CBLB: variants seen among roughly 807,000 people sequenced by gnomAD.
CBLB encodes Cbl proto-oncogene B.
A neutral mutation model predicts 104.9 loss-of-function variants in CBLB; 31 were observed. That is an observed-to-expected ratio of 0.30 (90% confidence interval 0.22 to 0.40). The LOEUF (loss-of-function observed/expected upper bound fraction) is 0.40, where lower values mean the gene tolerates loss of function less well. CBLB is among the 10% of genes least tolerant of loss of function. The pLI, the probability that CBLB is intolerant of heterozygous loss-of-function variation, is 1.00. For synonymous variants in CBLB, 440 were observed against 422.6 expected (o/e 1.04, Z -0.51); for missense variants, 1,062 against 1,214.6 (o/e 0.87, Z 1.87).
In CBLB at chr3:105,860,532, C is replaced by T. The variant is rs376666721; in HGVS notation, c.169-6868G>A. On this transcript the variant is annotated intron_variant, in intron 2 of 18. Coordinates refer to ENST00000394030, the MANE Select transcript of CBLB (RefSeq NM_170662.5). ...CCCTAACATTTACTAGCTTTACAAC[C>T]TTGGGCAGGGTTCTTCTTCGGGAAA... is the stretch of plus-strand genomic sequence containing the variant. Among the ~76,000 whole-genome samples, 10 of 152,276 alleles carry T rather than the reference C, an allele frequency of 6.6e-5. No homozygotes were observed. The East Asian group carries it at 1.9e-3, about 29-fold the overall frequency.
At chr3:105,724,905 T>C (rs1241410179) in intron 9 of CBLB, among the ~76,000 whole-genome samples, 3 of 152,134 alleles carry the variant, frequency 2.0e-5, no homozygotes, top group African/African-American at 7.2e-5. Context: ...GAAGGTCACA[T>C]AGCAAAAAAT....
At chr3:105,764,046 C>T (rs145208730) in intron 4 of CBLB, among the ~76,000 whole-genome samples, 1 of 152,166 alleles carries the variant, frequency 6.6e-6, no homozygotes, top group African/African-American at 2.4e-5. Context: ...AATGCATATC[C>T]TTTGACCCAG....
intron 18 of CBLB, among the ~76,000 whole-genome samples, chr3:105,668,798 C>T (rs889860389): frequency 2.0e-4 from 31 of 152,074 alleles, no homozygotes; most frequent in East Asian, 1.2e-3. Flanking sequence ...GCATCGAGCA[C>T]GTAAGAACTA....
At chr3:105,718,060 T>C (rs1337397747) in intron 10 of CBLB, among the ~76,000 whole-genome samples, 1 of 152,146 alleles carries the variant, frequency 6.6e-6, no homozygotes, top group African/African-American at 2.4e-5. Flanking sequence ...GGTGCTTTAT[T>C]CCACGTCTTC....
At chr3:105,822,720 C>T (rs1005118430) in intron 3 of CBLB, among the ~76,000 whole-genome samples, 1 of 152,110 alleles carries the variant, frequency 6.6e-6, no homozygotes, top group African/African-American at 2.4e-5. Context: ...CTTGTGTTTT[C>T]TTTTAAAAGC....
In CBLB at chr3:105,754,523, C is replaced by CAGAGAG. The variant is rs1207514486; in HGVS notation, c.567-2911_567-2906dup. Reference sequence around the variant, plus strand: ...AGAGAGAGAGAGAGAGAGAGAGAGACAGAGAGAGAGAGAGAGAGAGAGAGA... The same window carrying CAGAGAG: ...AGAGAGAGAGAGAGAGAGAGAGAGACAGAGAGAGAGAGAGAGAGAGAGAGAGAGAGA... On this transcript the variant is annotated intron_variant, in intron 4 of 18. Coordinates refer to ENST00000394030, the MANE Select transcript of CBLB (RefSeq NM_170662.5). 4.3e-3 allele frequency among the ~76,000 whole-genome samples: 443 copies of CAGAGAG among 102,792 alleles called. 6 individuals carry two copies. The highest frequency in any genetic ancestry group is 8.1e-3 in the African/African-American group (211 of 26,108). The allele number at this position is 102,792 out of a possible 152,430, so 67.4% of individuals were successfully genotyped here. A position where few individuals can be genotyped will look rare whatever the true frequency, so the allele number is the denominator to read the frequency against.
At chr3:105,868,388 C>T (rs1293074458) in intron 1 of CBLB, 1 of 425,826 alleles carries the variant, frequency 2.3e-6, no homozygotes, top group East Asian at 3.6e-5. Flanking sequence ...CCCCTCGGGT[C>T]TGAGCTGCAG....
intron 3 of CBLB, among the ~76,000 whole-genome samples, chr3:105,825,380 G>C (rs2086435723): frequency 6.6e-6 from 1 of 152,162 alleles, no homozygotes; most frequent in Non-Finnish European, 1.5e-5. Context: ...GGGATGGAAA[G>C]AGAAAGAAGA....
chr3:105,830,425 T>C (rs533946416), intron 3 of CBLB, among the ~76,000 whole-genome samples: 1 of 152,226 alleles, frequency 6.6e-6, no homozygotes, highest in Non-Finnish European at 1.5e-5. Flanking sequence ...GTTTTTCTTC[T>C]GTTACAGGAA....
intron 9 of CBLB, among the ~76,000 whole-genome samples, chr3:105,727,081 C>A (rs1401913087): frequency 6.6e-6 from 1 of 152,142 alleles, no homozygotes; most frequent in Non-Finnish European, 1.5e-5. Flanking sequence ...AATGGGATTG[C>A]TGGGTCAAAT....
chr3:105,766,199 T>C (rs2078205529), intron 4 of CBLB, among the ~76,000 whole-genome samples: 1 of 152,108 alleles, frequency 6.6e-6, no homozygotes, highest in Non-Finnish European at 1.5e-5. Context: ...TTGATGCAAA[T>C]CTCATAAAAT....
At chr3:105,812,731 T>G (rs1320157947) in intron 3 of CBLB, among the ~76,000 whole-genome samples, 1 of 152,200 alleles carries the variant, frequency 6.6e-6, no homozygotes, top group Non-Finnish European at 1.5e-5. Flanking sequence ...GATATTTAGA[T>G]GTGGTATCTA....
chr3:105,816,113 T>C (rs2085016216), intron 3 of CBLB, among the ~76,000 whole-genome samples: 1 of 152,052 alleles, frequency 6.6e-6, no homozygotes, highest in African/African-American at 2.4e-5. Context: ...GATGATGGGT[T>C]GATGGGTGCA....
chr3:105,685,614 T>C, intron 13 of CBLB, 148 bp from the exon 14 acceptor site: 3 of 701,264 alleles, frequency 4.3e-6, no homozygotes, highest in South Asian at 3.3e-5. Context: ...TGTTCTTATA[T>C]CAAATACAAA....
chr3:105,707,601 C>T (rs1256161823), intron 10 of CBLB, among the ~76,000 whole-genome samples: 3 of 152,060 alleles, frequency 2.0e-5, no homozygotes, highest in Non-Finnish European at 4.4e-5. Flanking sequence ...TGGTAAAATT[C>T]AAACACTATG....
At chr3:105,696,043 TATATATACACATAC>T (rs2068335211) in intron 12 of CBLB, among the ~76,000 whole-genome samples, 1 of 151,526 alleles carries the variant, frequency 6.6e-6, no homozygotes, top group Non-Finnish European at 1.5e-5. Context: ...ATATATGTTA[TATATATACACATAC>T]ATATATATAC....
chr3:105,681,454 T>C (rs2066304199), intron 16 of CBLB, 25 bp downstream of exon 16: 1 of 1,612,818 alleles, frequency 6.2e-7, no homozygotes, highest in Admixed American at 1.7e-5. Flanking sequence ...GGTGGGTTGT[T>C]CAAAACTTTT....
intron 3 of CBLB, among the ~76,000 whole-genome samples, chr3:105,794,147 C>T (rs770471991): frequency 1.3e-5 from 2 of 152,058 alleles, no homozygotes; most frequent in South Asian, 2.1e-4. Context: ...ATAAAATTCC[C>T]GGTCATCAAA....
At chr3:105,869,446 A>T (rs1706785036), upstream of CBLB, 2 of 1,301,682 alleles carry the variant, frequency 1.5e-6, no homozygotes, top group Admixed American at 4.7e-5. Flanking sequence ...TTTGTTTCAT[A>T]GCAACAGAGT....
Sources: gnomAD v4.1 joint callset for allele counts (sites outside exome capture counted in the v4.1 genomes callset) on GRCh38, gnomAD v4.1.1 for gene constraint, MANE v1.5 for transcripts, NCBI Gene and HGNC (gene_info 2026-07-23, HGNC 2026-07-21) for gene names.